SPATA22: variants seen among roughly 807,000 people sequenced by gnomAD.
The protein encoded by SPATA22 is spermatogenesis-associated protein 22.
Under a neutral mutation model 47.8 loss-of-function variants are expected in SPATA22, and 29 were observed. The ratio of observed to expected loss-of-function variants is 0.61; its 90% CI spans 0.45 to 0.83. The LOEUF (loss-of-function observed/expected upper bound fraction) is 0.83. Ranked by LOEUF, SPATA22 falls within the 40% of genes least tolerant of loss-of-function variation. The pLI, the probability that SPATA22 is intolerant of heterozygous loss-of-function variation, is 0.00. For missense variants in SPATA22, 410 were observed against 421.7 expected (o/e 0.97, Z 0.24); for synonymous variants, 133 against 140.9 (o/e 0.94, Z 0.40).
intron 1 of SPATA22, among the ~76,000 whole-genome samples, chr17:3,492,368 T>C (rs2150756731): frequency 6.6e-6 from 1 of 152,324 alleles, no homozygotes; most frequent in Admixed American, 6.5e-5. Flanking sequence ...TTGTGTTCTA[T>C]CAGTTTTTAC....
chr17:3,468,044 T>C (rs1036874346), intron 2 of SPATA22, among the ~76,000 whole-genome samples: 1 of 152,200 alleles, frequency 6.6e-6, no homozygotes, highest in Non-Finnish European at 1.5e-5. Flanking sequence ...GTTCCTAGAC[T>C]CCACTCTCAT....
upstream of SPATA22, among the ~76,000 whole-genome samples, chr17:3,473,839 A>G (rs1470575910): frequency 6.7e-6 from 1 of 150,230 alleles, no homozygotes; most frequent in Non-Finnish European, 1.5e-5. Flanking sequence ...ACATCAGGCA[A>G]CTCTATCCCA....
chr17:3,499,224 G>A (rs2150764512), intron 1 of SPATA22: 1 of 770,742 alleles, frequency 1.3e-6, no homozygotes, highest in East Asian at 2.8e-5. Flanking sequence ...AGGCATCTAA[G>A]CACATTTCTT....
chr17:3,493,466 C>T (rs150699406), intron 1 of SPATA22, among the ~76,000 whole-genome samples: 43 of 140,824 alleles, frequency 3.1e-4, no homozygotes, highest in African/African-American at 1.1e-3. Flanking sequence ...GAGGCTGAGG[C>T]AGGAGAATCG....
intron 1 of SPATA22, chr17:3,481,822 T>A: frequency 1.3e-6 from 2 of 1,553,796 alleles, no homozygotes; most frequent in Non-Finnish European, 1.8e-6. Context: ...TATTAATTTA[T>A]AAGTTAGCAA....
rs1298690862 is a variant in SPATA22, at chr17:3,490,369, A to G, written c.-73-20971T>C. On this transcript the variant is annotated intron_variant, in intron 1 of 8. Transcript: ENST00000541913. The surrounding 1 kb of genome is among the most constrained non-coding windows in gnomAD (Gnocchi z 4.6). ...TAAAAAGTCTATTAGTTATAAAAAA[A>G]GTTTACTTTAAAATGGAAAATAGTT... Among the ~76,000 whole-genome samples, 1 of 152,248 alleles carries G rather than the reference A, an allele frequency of 6.6e-6. No homozygotes were observed. The highest frequency in any genetic ancestry group is 1.5e-5 in the Non-Finnish European group (1 of 68,042).
chr17:3,498,753 C>G, intron 1 of SPATA22: 3 of 816,020 alleles, frequency 3.7e-6, no homozygotes, highest in Non-Finnish European at 5.4e-6. Flanking sequence ...GATCACTTGC[C>G]TGCATCTCAA....
At chr17:3,455,179 T>C (rs2072958678) in intron 5 of SPATA22, among the ~76,000 whole-genome samples, 1 of 152,270 alleles carries the variant, frequency 6.6e-6, no homozygotes, top group African/African-American at 2.4e-5. Flanking sequence ...GAGTTCATTG[T>C]AGATTCTGGA....
intron 1 of SPATA22, chr17:3,513,354 G>A (rs2074139218): frequency 6.5e-6 from 1 of 153,006 alleles, no homozygotes; most frequent in Admixed American, 6.5e-5. Flanking sequence ...TCCCCGAAGG[G>A]TTCCGGAAGG....
chr17:3,510,485 A>G (rs569536897), intron 1 of SPATA22: 2 of 152,358 alleles, frequency 1.3e-5, no homozygotes, highest in African/African-American at 4.8e-5. Flanking sequence ...ACCTAACGCA[A>G]GGATAAAACG....
intron 3 of SPATA22, among the ~76,000 whole-genome samples, 183 bp from the exon 4 acceptor site, chr17:3,462,950 T>C (rs538410869): frequency 1.3e-5 from 2 of 152,370 alleles, no homozygotes; most frequent in East Asian, 1.9e-4. Context: ...TTTTTATAGA[T>C]GTCTTTCTTA....
intron 1 of SPATA22, among the ~76,000 whole-genome samples, chr17:3,486,213 C>T (rs1483196932): frequency 6.6e-6 from 1 of 152,140 alleles, no homozygotes; most frequent in Admixed American, 6.5e-5. Context: ...GGATTACAGG[C>T]GTGAGCCACC....
intron 5 of SPATA22, among the ~76,000 whole-genome samples, chr17:3,455,368 C>T (rs2072963215): frequency 6.6e-6 from 1 of 151,408 alleles, no homozygotes; most frequent in African/African-American, 2.4e-5. Flanking sequence ...GAAGTCCTTG[C>T]CCATGCCTAT....
At chr17:3,452,594 AG>A (rs1425229635) in intron 5 of SPATA22, among the ~76,000 whole-genome samples, 6 of 152,130 alleles carry the variant, frequency 3.9e-5, no homozygotes, top group African/African-American at 9.7e-5. Flanking sequence ...CGTCTCAAAA[AG>A]AAAAAAAAAG....
intron 1 of SPATA22, chr17:3,498,815 T>G: frequency 7.7e-7 from 1 of 1,301,010 alleles, no homozygotes; most frequent in Non-Finnish European, 1.0e-6. Context: ...AATTTGTTAG[T>G]TGTCTAGAGT....
intron 6 of SPATA22, among the ~76,000 whole-genome samples, chr17:3,447,116 A>AT (rs1461085306): frequency 1.3e-4 from 20 of 152,182 alleles, no homozygotes; most frequent in African/African-American, 4.8e-4. Context: ...AAGTAAACAT[A>AT]TAACAGAATG....
chr17:3,483,207 A>G (rs1196424655), intron 1 of SPATA22, among the ~76,000 whole-genome samples: 3 of 152,174 alleles, frequency 2.0e-5, no homozygotes, highest in Non-Finnish European at 4.4e-5. Flanking sequence ...ACATCCATTA[A>G]GAAAGAACAT....
At chr17:3,491,249 C>T (rs2073819284) in intron 1 of SPATA22, among the ~76,000 whole-genome samples, 1 of 152,100 alleles carries the variant, frequency 6.6e-6, no homozygotes. Context: ...TTAAGGTTAA[C>T]AACATCAGGG....
intron 5 of SPATA22, among the ~76,000 whole-genome samples, chr17:3,456,075 C>G (rs1170214675): frequency 6.6e-6 from 1 of 152,160 alleles, no homozygotes; most frequent in Non-Finnish European, 1.5e-5. Flanking sequence ...TGGGAATTCA[C>G]TCATGATTTG....
Sources: gnomAD v4.1 joint callset for allele counts (sites outside exome capture counted in the v4.1 genomes callset) on GRCh38, gnomAD v4.1.1 for gene constraint, Gnocchi (gnomAD v3.1) non-coding constraint, MANE v1.5 for transcripts, NCBI Gene and HGNC (gene_info 2026-07-23, HGNC 2026-07-21) for gene names.